Variants in NR1H4 observed in about 807,000 individuals in gnomAD.
NR1H4 encodes the protein nuclear receptor subfamily 1 group H member 4, also known as bile acid receptor.
NR1H4 carries 23 observed loss-of-function variants against 58.5 expected under a neutral mutation model. The ratio of observed to expected loss-of-function variants is 0.39; its 90% CI spans 0.28 to 0.56. The LOEUF (loss-of-function observed/expected upper bound fraction) is 0.56. Among genes scored for constraint, NR1H4 ranks in the 20% least tolerant of loss-of-function variants. The probability of loss-of-function intolerance (pLI) is 0.58; values close to 1 mark genes in which losing one functional copy is unlikely to be tolerated. For synonymous variants in NR1H4, 214 were observed against 198.0 expected (o/e 1.08, Z -0.68); for missense variants, 487 against 576.9 (o/e 0.84, Z 1.60).
chr12:100,563,483 G>C lies in NR1H4; in HGVS notation c.1425G>C (p.Val475=). 6.2e-7 allele frequency: 1 copy of C among 1,612,564 alleles called. No homozygotes were observed. The highest frequency in any genetic ancestry group is 1.1e-5 in the South Asian group (1 of 91,048). Residue 475 remains valine, a synonymous_variant, in exon 11 of 11, where the codon GTG becomes GTC. Coordinates refer to ENST00000392986, the MANE Select transcript of NR1H4 (RefSeq NM_001206979.2). ...FTPLLCEIWD[V]Q ...CACTTCTCTGTGAAATCTGGGACGT[G>C]CAGTGATGGGGATTACAGGGGAGGG...
chr12:100,506,042 C>CACACAGAG (rs1491443606), intron 3 of NR1H4, among the ~76,000 whole-genome samples: 60 of 117,512 alleles, frequency 5.1e-4, no homozygotes, highest in East Asian at 1.9e-3. Context: ...CACACACACA[C>CACACAGAG]AGAGAGAGAG....
intron 4 of NR1H4, among the ~76,000 whole-genome samples, chr12:100,511,678 T>C (rs1263323154): frequency 2.0e-5 from 3 of 152,154 alleles, no homozygotes; most frequent in African/African-American, 7.2e-5. Context: ...TCCCAGCACT[T>C]TGGGAGGCCG....
At chr12:100,536,892 T>G (rs933626522) in intron 7 of NR1H4, 56 bp from the exon 8 acceptor site, 1 of 1,051,494 alleles carries the variant, frequency 9.5e-7, no homozygotes, top group African/African-American at 1.6e-5. Flanking sequence ...CTAATGGTTT[T>G]ATATTATCAT....
chr12:100,505,656 A>G (rs1157133045), intron 3 of NR1H4: 2 of 699,796 alleles, frequency 2.9e-6, no homozygotes, highest in African/African-American at 3.5e-5. Flanking sequence ...AACCGTCACA[A>G]AGGAATCCTA....
intron 3 of NR1H4, 111 bp downstream of exon 3, chr12:100,493,513 T>A: frequency 1.5e-6 from 1 of 683,324 alleles, no homozygotes; most frequent in Non-Finnish European, 2.7e-6. Flanking sequence ...ATGTTTTTGT[T>A]CCTTCCAAGT....
chr12:100,547,309 A>G (rs952262961), intron 9 of NR1H4, among the ~76,000 whole-genome samples: 1 of 152,156 alleles, frequency 6.6e-6, no homozygotes, highest in Non-Finnish European at 1.5e-5. Flanking sequence ...GCTGGAGCCA[A>G]GTTCCTAGAA....
chr12:100,548,509 G>A (rs1470717716), intron 9 of NR1H4, among the ~76,000 whole-genome samples: 1 of 152,092 alleles, frequency 6.6e-6, no homozygotes, highest in African/African-American at 2.4e-5. Context: ...TTCTCAGGGT[G>A]GTGGCTCATT....
At chr12:100,515,916 T>C (rs1249908473) in intron 4 of NR1H4, among the ~76,000 whole-genome samples, 1 of 152,260 alleles carries the variant, frequency 6.6e-6, no homozygotes, top group Non-Finnish European at 1.5e-5. Context: ...GCAGTATCAG[T>C]ATCACTAGAG....
chr12:100,532,571 T>A lies in NR1H4; in HGVS notation c.559T>A (p.Cys187Ser). 6.2e-7 allele frequency: 1 copy of A among 1,614,088 alleles called. No homozygotes were observed. Among genetic ancestry groups the A allele is most frequent in the Non-Finnish European group, 8.5e-7 (1 of 1,179,974 alleles). The stretch of plus-strand genomic sequence containing the variant: ...GTGTCAAGAGTGTCGACTAAGGAAA[T>A]GCAAAGAGATGGGAATGTTGGCTGA... ...RKCQECRLRK[C>S]KEMGMLAECM... The change falls in exon 5 of 11, where the codon TGC (cysteine) becomes AGC (serine). Residue 187 changes from cysteine to serine, a missense_variant. Cys to Ser is a moderately radical substitution (Grantham distance 112, BLOSUM62 -1). Coordinates refer to ENST00000392986, the MANE Select transcript of NR1H4 (RefSeq NM_001206979.2).
chr12:100,558,461 G>A (rs1036970706), intron 9 of NR1H4, among the ~76,000 whole-genome samples: 9 of 151,432 alleles, frequency 5.9e-5, no homozygotes, highest in South Asian at 2.1e-4. Flanking sequence ...AGGCTTAAGC[G>A]ATCCTCCCAC....
At chr12:100,493,589 A>G (rs1055946337) in intron 3 of NR1H4, among the ~76,000 whole-genome samples, 187 bp downstream of exon 3, 2 of 152,210 alleles carry the variant, frequency 1.3e-5, no homozygotes, top group African/African-American at 2.4e-5. Context: ...ATGGGACTTA[A>G]TGGTCTTCAT....
At chr12:100,534,004 C>T (rs1336788254) in intron 5 of NR1H4, among the ~76,000 whole-genome samples, 1 of 151,738 alleles carries the variant, frequency 6.6e-6, no homozygotes, top group African/African-American at 2.4e-5. Flanking sequence ...TCACGCCATT[C>T]TCCTGCCTCA....
rs564550476 is a variant in NR1H4, at chr12:100,493,503, A to G, written c.79+101A>G. On this transcript the variant is annotated intron_variant, in intron 3 of 10. Transcript: ENST00000392986. ...ATGAGTCCAGCCCAGGGTCAAGAAC[A>G]TGTTTTTGTTCCTTCCAAGTACTCA... 1.2e-4 allele frequency: 82 copies of G among 702,424 alleles called. No individual in the cohort carries two copies. The African/African-American group carries it at 1.2e-3, about 11-fold the overall frequency. The allele number at this position is 702,424 out of a possible 1,614,324, so 43.5% of individuals were successfully genotyped here. A position where few individuals can be genotyped will look rare whatever the true frequency, so the allele number is the denominator to read the frequency against.
intron 4 of NR1H4, among the ~76,000 whole-genome samples, chr12:100,513,819 AG>A (rs1954190709): frequency 3.2e-5 from 3 of 92,720 alleles, no homozygotes; most frequent in African/African-American, 7.7e-5. Flanking sequence ...GAAGGAAGGA[AG>A]GAAGGAAGGA....
At chr12:100,544,024 G>C (rs370135109) in intron 9 of NR1H4, among the ~76,000 whole-genome samples, 1 of 152,056 alleles carries the variant, frequency 6.6e-6, no homozygotes, top group Non-Finnish European at 1.5e-5. Context: ...AGGCCAAGGC[G>C]GGTGGATTAC....
At chr12:100,550,675 A>G (rs987921394) in intron 9 of NR1H4, among the ~76,000 whole-genome samples, 13 of 150,962 alleles carry the variant, frequency 8.6e-5, no homozygotes, top group African/African-American at 2.9e-4. Context: ...CCAAGTTTAC[A>G]TTTTAACATT....
intron 8 of NR1H4, 65 bp from the exon 9 acceptor site, chr12:100,540,607 G>A (rs1954912409): frequency 6.5e-7 from 1 of 1,526,730 alleles, no homozygotes; most frequent in Non-Finnish European, 9.1e-7. Flanking sequence ...TTTATCAATG[G>A]CAATGATGGT....
At chr12:100,519,987 CTACCT>C (rs1954372554) in intron 4 of NR1H4, among the ~76,000 whole-genome samples, 1 of 152,110 alleles carries the variant, frequency 6.6e-6, no homozygotes, top group South Asian at 2.1e-4. Context: ...GAAAATTATC[CTACCT>C]TAGTGAATGG....
intron 3 of NR1H4, among the ~76,000 whole-genome samples, chr12:100,498,509 G>A (rs1183208228): frequency 4.6e-5 from 7 of 152,012 alleles, no homozygotes; most frequent in Admixed American, 1.3e-4. Context: ...GTGGTGGCAC[G>A]TGCCTGTAAT....
Sources: gnomAD v4.1 joint callset for allele counts (sites outside exome capture counted in the v4.1 genomes callset) on GRCh38, gnomAD v4.1.1 for gene constraint, MANE v1.5 for transcripts, NCBI Gene and HGNC (gene_info 2026-07-23, HGNC 2026-07-21) for gene names.